Variants in CCDC191 observed in about 807,000 individuals in gnomAD.
CCDC191 encodes the protein coiled-coil domain containing 191.
Under a neutral mutation model 114.0 loss-of-function variants are expected in CCDC191, and 99 were observed. That is an observed-to-expected ratio of 0.87 (90% confidence interval 0.74 to 1.03). The LOEUF is 1.03. Among genes scored for constraint, CCDC191 ranks in the 50% least tolerant of loss-of-function variants. The pLI is 0.00. For missense variants in CCDC191, 973 were observed against 1,087.0 expected, an observed-to-expected ratio of 0.90 and a Z score of 1.47; for synonymous variants, 351 against 376.0, an observed-to-expected ratio of 0.93 and a Z score of 0.77.
chr3:113,997,900 C>G (rs1677270802), intron 13 of CCDC191, among the ~76,000 whole-genome samples: 1 of 151,978 alleles, frequency 6.6e-6, no homozygotes, highest in African/African-American at 2.4e-5. Flanking sequence ...AACAAACTTA[C>G]TGTGTTGCCA....
intron 16 of CCDC191, among the ~76,000 whole-genome samples, chr3:113,968,480 ACT>A (rs1420207760): frequency 6.7e-6 from 1 of 150,262 alleles, no homozygotes; most frequent in Non-Finnish European, 1.5e-5. Context: ...TTAGGGCGTC[ACT>A]CTGTCGCCCA....
intron 13 of CCDC191, among the ~76,000 whole-genome samples, chr3:113,983,384 C>G (rs77887409): frequency 6.6e-6 from 1 of 152,104 alleles, no homozygotes; most frequent in Non-Finnish European, 1.5e-5. Context: ...TTTTCACTTG[C>G]GTACACAGTC....
At chr3:114,050,583 G>T (rs894371366) in intron 2 of CCDC191, among the ~76,000 whole-genome samples, 8 of 152,218 alleles carry the variant, frequency 5.3e-5, no homozygotes, top group African/African-American at 1.7e-4. Flanking sequence ...TGGCCTCTCA[G>T]AGAGGAGGAG....
chr3:113,978,463 A>T, intron 15 of CCDC191, 132 bp from the exon 16 acceptor site: 1 of 921,312 alleles, frequency 1.1e-6, no homozygotes, highest in Non-Finnish European at 1.6e-6. Context: ...AAAGAAAAGG[A>T]TAACCTGGAA....
chr3:113,975,819 C>G (rs1941284532), intron 16 of CCDC191, among the ~76,000 whole-genome samples: 1 of 152,148 alleles, frequency 6.6e-6, no homozygotes, highest in Non-Finnish European at 1.5e-5. Flanking sequence ...AAACAAAAAG[C>G]AAAGTGGGAA....
At chr3:114,042,168 T>C (rs1015808325) in intron 4 of CCDC191, among the ~76,000 whole-genome samples, 3 of 152,232 alleles carry the variant, frequency 2.0e-5, no homozygotes, top group Non-Finnish European at 4.4e-5. Context: ...ATTGCTATTC[T>C]AATCATAAGC....
At chr3:114,023,975 T>A (rs557472548) in intron 7 of CCDC191, among the ~76,000 whole-genome samples, 15 of 152,096 alleles carry the variant, frequency 9.9e-5, no homozygotes, top group Non-Finnish European at 1.6e-4. Flanking sequence ...AGGGCTAATA[T>A]CCAGAATCTA....
At chr3:114,000,113 G>T (rs1399598237) in intron 13 of CCDC191, among the ~76,000 whole-genome samples, 1 of 151,462 alleles carries the variant, frequency 6.6e-6, no homozygotes, top group African/African-American at 2.4e-5. Flanking sequence ...ATACCATGGG[G>T]TGCTAGATTA....
intron 13 of CCDC191, among the ~76,000 whole-genome samples, chr3:113,989,137 T>A (rs549738593): frequency 4.7e-4 from 71 of 152,298 alleles, no homozygotes; most frequent in African/African-American, 1.5e-3. Flanking sequence ...AGAACAAACC[T>A]TCAAAGTACA....
intron 4 of CCDC191, among the ~76,000 whole-genome samples, chr3:114,040,896 C>T (rs1318209387): frequency 6.6e-6 from 1 of 151,954 alleles, no homozygotes; most frequent in African/African-American, 2.4e-5. Context: ...TGCTGAGAAG[C>T]ATTTTTCAGG....
chr3:114,035,285 G>T, intron 5 of CCDC191, 137 bp from the exon 6 acceptor site: 1 of 629,096 alleles, frequency 1.6e-6, no homozygotes, highest in Non-Finnish European at 2.8e-6. Context: ...TTTATTGGTA[G>T]GAAAGGAGGA....
At position 113,980,657 on chromosome 3, in the gene CCDC191, T is replaced by C. The variant is rs769352282; in HGVS notation, c.2300A>G (p.Asn767Ser). 6 of 1,588,144 alleles carry C rather than the reference T, an allele frequency of 3.8e-6. No homozygotes were observed. The Admixed American group carries it at 1.1e-4, about 30-fold the overall frequency. The change falls in exon 14 of 17, where the codon AAC (asparagine) becomes AGC (serine). Residue 767 changes from asparagine to serine, a missense_variant. Asn to Ser is a conservative substitution (Grantham distance 46). Coordinates refer to ENST00000295878, the MANE Select transcript of CCDC191 (RefSeq NM_020817.2). ...AACAGTGGGACAGTGTACCTGGATG[T>C]TTTGTTTGCTTTGCATTCTCAATCT... ...WKRLRMQSKQ[N>S]IQVAEEHYSL...
chr3:114,033,909 G>C (rs2076443682), intron 6 of CCDC191, among the ~76,000 whole-genome samples: 1 of 152,060 alleles, frequency 6.6e-6, no homozygotes, highest in Admixed American at 6.5e-5. Flanking sequence ...AGCTGTGTAG[G>C]CTGATGGGGG....
At chr3:114,034,599 T>C (rs888455526) in intron 6 of CCDC191, among the ~76,000 whole-genome samples, 3 of 152,166 alleles carry the variant, frequency 2.0e-5, no homozygotes, top group Non-Finnish European at 4.4e-5. Flanking sequence ...TTTACCAGTA[T>C]GGGGAGGTGG....
chr3:114,000,373 C>G (rs573616432), intron 13 of CCDC191, among the ~76,000 whole-genome samples: 2 of 152,320 alleles, frequency 1.3e-5, no homozygotes, highest in East Asian at 3.9e-4. Flanking sequence ...ATCAACTCCC[C>G]TGATTCTGAG....
Position 114,005,494 on chromosome 3 carries a change from T to C in CCDC191, c.1868+14A>G, listed in dbSNP as rs150886197. 360 of 1,589,968 alleles carry C rather than the reference T, an allele frequency of 2.3e-4. No individual in the cohort carries two copies. The African/African-American group carries it at 4.5e-3, about 20-fold the overall frequency. On this transcript the variant is annotated intron_variant, in intron 10 of 16. Transcript: ENST00000295878. ...TTAAAATGAGTCCAGCGAGTTCTGA[T>C]AGAACAGACATACTTCACAAGCATC...
intron 8 of CCDC191, among the ~76,000 whole-genome samples, chr3:114,014,823 G>A (rs368888916): frequency 6.6e-6 from 1 of 152,064 alleles, no homozygotes; most frequent in Non-Finnish European, 1.5e-5. Context: ...ATCTTATGGT[G>A]TCTTCTGTTG....
chr3:114,005,809 G>C lies in CCDC191; in HGVS notation c.1567C>G (p.Leu523Val). Residue 523 changes from leucine (L) to valine (V), a missense_variant, in exon 10 of 17, where the codon CTG becomes GTG. By Grantham distance (32) the Leu-to-Val change is conservative (BLOSUM62 1). Transcript: ENST00000295878. ...GGCTGTTGAGAGGGTTCAGCACCCA[G>C]GGTCTTGTGCTGCTTATTGCCAGGT... ...SAPGNKQHKT[L>V]GAEPSQQPGS... 1.9e-6 allele frequency: 3 copies of C among 1,614,088 alleles called. No individual in the cohort carries two copies. The highest frequency in any genetic ancestry group is 2.5e-6 in the Non-Finnish European group (3 of 1,179,998).
At chr3:113,985,893 CCTGAA>C (rs1404562526) in intron 13 of CCDC191, among the ~76,000 whole-genome samples, 4 of 152,080 alleles carry the variant, frequency 2.6e-5, no homozygotes, top group Non-Finnish European at 5.9e-5. Context: ...TTTCTATTGC[CCTGAA>C]CAACAGGTCT....
Sources: allele counts gnomAD v4.1 joint callset (sites outside exome capture counted in the v4.1 genomes callset), GRCh38; gene constraint gnomAD v4.1.1; transcripts MANE v1.5; gene names NCBI Gene and HGNC (gene_info 2026-07-23, HGNC 2026-07-21).